SAMD3: variants seen among roughly 807,000 people sequenced by gnomAD.
SAMD3 encodes sterile alpha motif domain-containing protein 3.
A neutral mutation model predicts 58.5 loss-of-function variants in SAMD3; 63 were observed. The ratio of observed to expected loss-of-function variants is 1.08; its 90% CI spans 0.88 to 1.33. SAMD3 has a LOEUF of 1.33. SAMD3 is among the 40% of genes most tolerant of loss of function. The pLI is 0.00. For missense variants in SAMD3, 604 were observed against 608.4 expected, an observed-to-expected ratio of 0.99 and a Z score of 0.08; for synonymous variants, 220 against 210.3, an observed-to-expected ratio of 1.05 and a Z score of -0.40.
chr6:130,154,633 G>A (rs1472468938), intron 9 of SAMD3, among the ~76,000 whole-genome samples, 192 bp downstream of exon 9: 1 of 147,530 alleles, frequency 6.8e-6, no homozygotes, highest in African/African-American at 2.5e-5. Context: ...GGCAGAGGTT[G>A]CAGTGAGCTG....
In SAMD3 at chr6:130,308,390, A is replaced by ATTCTATTCT. The variant is rs1562513013; in HGVS notation, c.-188+4579_-188+4587dup. ...ATTCTATTCTATTCTATTCTATTCT[A>ATTCTATTCT]TTCTATTCTATTCTATTCTATTCTA... On this transcript the variant is annotated intron_variant, in intron 2 of 13. Transcript: ENST00000368134. Among the ~76,000 whole-genome samples the ATTCTATTCT allele has an allele frequency of 9.3e-4, 134 of 144,392 alleles. 1 individual carries two copies. The highest frequency in any genetic ancestry group is 3.4e-3 in the Middle Eastern group (1 of 292). The allele number at this position is 144,392 out of a possible 152,430, so 94.7% of individuals were successfully genotyped here. A position where few individuals can be genotyped will look rare whatever the true frequency, so the allele number is the denominator to read the frequency against.
Position 130,145,248 on chromosome 6 carries a change from A to C in SAMD3, c.1278+92T>G, listed in dbSNP as rs777571979. On this transcript the variant is annotated intron_variant, in intron 11 of 11. Coordinates refer to ENST00000439090, the MANE Select transcript of SAMD3 (RefSeq NM_001017373.4). ...ACTCCAGCCTGGGCAAAAGAGTGAG[A>C]CTCCATCTCAAAAATATAAGTAAAT... is the stretch of plus-strand genomic sequence containing the variant. 1.8e-4 allele frequency: 105 copies of C among 588,322 alleles called. No individual in the cohort carries two copies. In the Middle Eastern group the frequency reaches 2.0e-3, roughly 11 times the overall value. The allele number at this position is 588,322 out of a possible 1,614,324, so 36.4% of individuals were successfully genotyped here.
chr6:130,277,547 G>C (rs1447843632), intron 2 of SAMD3, among the ~76,000 whole-genome samples: 2 of 152,094 alleles, frequency 1.3e-5, no homozygotes, highest in Non-Finnish European at 2.9e-5. Context: ...ACAGTCTACT[G>C]GTTCTCCTTT....
At chr6:130,195,996 G>A (rs1794067654) in intron 5 of SAMD3, among the ~76,000 whole-genome samples, 1 of 152,100 alleles carries the variant, frequency 6.6e-6, no homozygotes, top group African/African-American at 2.4e-5. Flanking sequence ...CTTGAAGACA[G>A]CTTTAGAGAC....
At chr6:130,235,428 C>T (rs1395965031) in intron 2 of SAMD3, among the ~76,000 whole-genome samples, 1 of 152,058 alleles carries the variant, frequency 6.6e-6, no homozygotes, top group Non-Finnish European at 1.5e-5. Flanking sequence ...TTAATAGTGG[C>T]TTTTTCAATG....
intron 2 of SAMD3, among the ~76,000 whole-genome samples, chr6:130,258,772 A>AT (rs1774011510): frequency 6.6e-6 from 1 of 152,058 alleles, no homozygotes; most frequent in Non-Finnish European, 1.5e-5. Context: ...TTTTGGGAAG[A>AT]TTTTTTTAAA....
intron 8 of SAMD3, among the ~76,000 whole-genome samples, chr6:130,156,788 T>A (rs1476085832): frequency 6.6e-6 from 1 of 151,994 alleles, no homozygotes; most frequent in African/African-American, 2.4e-5. Flanking sequence ...CAGGGCAACA[T>A]AGCAAGGCTC....
chr6:130,358,009 A>G (rs533911599), intron 1 of SAMD3, among the ~76,000 whole-genome samples: 3 of 152,354 alleles, frequency 2.0e-5, no homozygotes, highest in East Asian at 3.9e-4. Flanking sequence ...GTATAAGACT[A>G]GTGAGTAGAG....
At chr6:130,179,236 A>T (rs1457657793) in intron 7 of SAMD3, among the ~76,000 whole-genome samples, 1 of 152,202 alleles carries the variant, frequency 6.6e-6, no homozygotes, top group Non-Finnish European at 1.5e-5. Context: ...TATTCAATCA[A>T]TGAATATTTA....
intron 2 of SAMD3, among the ~76,000 whole-genome samples, chr6:130,263,182 G>A (rs1774204580): frequency 6.6e-6 from 1 of 152,108 alleles, no homozygotes; most frequent in African/African-American, 2.4e-5. Context: ...AAAAATAGGT[G>A]CTAAAGGAAA....
chr6:130,344,825 CAAAAAAAA>C (rs56795907), intron 1 of SAMD3, among the ~76,000 whole-genome samples: 12 of 41,102 alleles, frequency 2.9e-4, no homozygotes, highest in Middle Eastern at 0.024. Flanking sequence ...ACAACAACAG[CAAAAAAAA>C]AAAAAAAAAA....
At chr6:130,244,954 A>G (rs1170788436) in intron 2 of SAMD3, among the ~76,000 whole-genome samples, 1 of 152,100 alleles carries the variant, frequency 6.6e-6, no homozygotes, top group Non-Finnish European at 1.5e-5. Context: ...CATTGAAAAG[A>G]AGATTGTTAG....
Position 130,234,379 on chromosome 6 carries a change from A to G in SAMD3, c.-187-11566T>C, listed in dbSNP as rs190087608. Among the ~76,000 whole-genome samples the G allele has an allele frequency of 1.1e-4, 17 of 152,304 alleles. No homozygotes were observed. The East Asian group carries it at 3.1e-3, about 28-fold the overall frequency. The stretch of plus-strand genomic sequence containing the variant: ...CCTTGACTATTTCTTCTCAATATCA[A>G]TAAGAGATTTCTTAAAGAAACTTAA... On this transcript the variant is annotated intron_variant, in intron 2 of 13. Coordinates refer to the SAMD3 transcript ENST00000368134.
intron 1 of SAMD3, among the ~76,000 whole-genome samples, chr6:130,331,087 G>A (rs1776918415): frequency 6.6e-6 from 1 of 152,188 alleles, no homozygotes; most frequent in Non-Finnish European, 1.5e-5. Flanking sequence ...CTAAATCAAG[G>A]ATATTAGAGT....
At chr6:130,361,192 A>G (rs1032863538) in intron 1 of SAMD3, among the ~76,000 whole-genome samples, 17 of 152,166 alleles carry the variant, frequency 1.1e-4, no homozygotes, top group African/African-American at 4.1e-4. Flanking sequence ...GGAAGTGATA[A>G]GTGTCCATGA....
At chr6:130,260,977 G>C (rs924883143) in intron 2 of SAMD3, among the ~76,000 whole-genome samples, 2 of 152,122 alleles carry the variant, frequency 1.3e-5, no homozygotes, top group African/African-American at 4.8e-5. Context: ...TTTTGGTTTT[G>C]GTTTTGACTC....
intron 2 of SAMD3, among the ~76,000 whole-genome samples, chr6:130,247,723 A>G (rs550056207): frequency 3.8e-4 from 58 of 152,318 alleles, no homozygotes; most frequent in African/African-American, 1.3e-3. Context: ...TCTCAGGATA[A>G]TCATATAGTT....
chr6:130,220,065 T>G (rs6922102), intron 1 of SAMD3, among the ~76,000 whole-genome samples: 117,278 of 152,130 alleles, frequency 0.77, 45,553 homozygotes, highest in African/African-American at 0.86. Context: ...GCAGTGGCAC[T>G]ATCTCGGCTC....
At chr6:130,285,551 A>G (rs979044482) in intron 2 of SAMD3, among the ~76,000 whole-genome samples, 1 of 152,224 alleles carries the variant, frequency 6.6e-6, no homozygotes, top group African/African-American at 2.4e-5. Flanking sequence ...GGTTGAGGAT[A>G]AAAAGCCAAT....
Sources: gnomAD v4.1 joint callset for allele counts (sites outside exome capture counted in the v4.1 genomes callset) on GRCh38, gnomAD v4.1.1 for gene constraint, MANE v1.5 for transcripts, NCBI Gene and HGNC (gene_info 2026-07-23, HGNC 2026-07-21) for gene names.